RBM20: variants seen among roughly 807,000 people sequenced by gnomAD.
RBM20 encodes the protein RNA binding motif protein 20.
In RBM20, 51 loss-of-function variants were observed where a neutral mutation model predicts 110.1. The ratio of observed to expected loss-of-function variants is 0.46; its 90% CI spans 0.37 to 0.59. RBM20 has a LOEUF of 0.59. RBM20 is among the 20% of genes least tolerant of loss of function. The pLI is 0.00. For missense variants in RBM20, 1,512 were observed against 1,574.9 expected, an observed-to-expected ratio of 0.96 and a Z score of 0.68; for synonymous variants, 589 against 618.2, an observed-to-expected ratio of 0.95 and a Z score of 0.70.
chr10:110,831,829 A>AT (rs1168128318), intron 13 of RBM20, among the ~76,000 whole-genome samples: 1 of 152,116 alleles, frequency 6.6e-6, no homozygotes, highest in Non-Finnish European at 1.5e-5. Context: ...GTTCTCATGG[A>AT]TTTTTCATTC....
At chr10:110,795,533 G>A (rs1844538921) in intron 5 of RBM20, among the ~76,000 whole-genome samples, 1 of 152,176 alleles carries the variant, frequency 6.6e-6, no homozygotes, top group Non-Finnish European at 1.5e-5. Context: ...AGACAAATGA[G>A]GGCTTTTCAT....
intron 9 of RBM20, among the ~76,000 whole-genome samples, chr10:110,815,658 T>TCCTG (rs1374428982): frequency 6.6e-6 from 1 of 152,210 alleles, no homozygotes; most frequent in African/African-American, 2.4e-5. Context: ...GCACTTCTAC[T>TCCTG]CACACTCCTG....
rs149640975 is a variant in RBM20, at chr10:110,683,374, G to A, written c.191+38729G>A. Among the ~76,000 whole-genome samples the A allele has an allele frequency of 5.8e-4, 89 of 152,302 alleles. 1 individual carries two copies. The highest frequency in any genetic ancestry group is 1.9e-3 in the African/African-American group (81 of 41,558). ...TGGTTGAGTTGCAGTAAGAGTGTCC[G>A]CATTAGAGCGATTGGAGCTGGTAAT... On this transcript the variant is annotated intron_variant, in intron 1 of 13. Transcript: ENST00000369519.
chr10:110,823,450 T>TGTCTTGG, intron 11 of RBM20, 30 bp from the exon 12 acceptor site: 1 of 1,234,372 alleles, frequency 8.1e-7, no homozygotes, highest in Non-Finnish European at 1.0e-6. Context: ...TTTTTTTTTT[T>TGTCTTGG]TTTTTTTTGC....
intron 1 of RBM20, among the ~76,000 whole-genome samples, chr10:110,778,495 G>A (rs555554574): frequency 1.3e-5 from 2 of 152,250 alleles, no homozygotes; most frequent in South Asian, 4.1e-4. Flanking sequence ...TCTCGTTTTT[G>A]TTCCATTATC....
intron 1 of RBM20, among the ~76,000 whole-genome samples, chr10:110,707,793 A>C (rs1435229170): frequency 6.6e-6 from 1 of 152,230 alleles, no homozygotes; most frequent in Admixed American, 6.5e-5. Flanking sequence ...TAATGGGTAC[A>C]AAATATAGTA....
At chr10:110,759,478 C>T (rs1843967368) in intron 1 of RBM20, among the ~76,000 whole-genome samples, 1 of 152,162 alleles carries the variant, frequency 6.6e-6, no homozygotes, top group Non-Finnish European at 1.5e-5. Context: ...AAAGAAAAGG[C>T]CCCAGGAATG....
intron 1 of RBM20, among the ~76,000 whole-genome samples, chr10:110,676,779 G>A (rs1450612075): frequency 9.5e-6 from 1 of 104,894 alleles, no homozygotes; most frequent in Non-Finnish European, 2.3e-5. Context: ...TTCTTTGGAA[G>A]CAACAAATGC....
chr10:110,647,900 A>C (rs1861891609), intron 1 of RBM20, among the ~76,000 whole-genome samples: 2 of 152,202 alleles, frequency 1.3e-5, no homozygotes, highest in Non-Finnish European at 2.9e-5. Context: ...GAAATGTTGA[A>C]GTTAGCTGTC....
chr10:110,800,265 C>T (rs1237621536), intron 7 of RBM20, among the ~76,000 whole-genome samples: 1 of 152,098 alleles, frequency 6.6e-6, no homozygotes, highest in Non-Finnish European at 1.5e-5. Flanking sequence ...CCTATACAGA[C>T]CTTCAGTAAC....
chr10:110,705,710 G>GAGATTAAT (rs1862827166), intron 1 of RBM20, among the ~76,000 whole-genome samples: 1 of 152,206 alleles, frequency 6.6e-6, no homozygotes, highest in Admixed American at 6.5e-5. Flanking sequence ...AACAGTGGTT[G>GAGATTAAT]CAATAATTGT....
intron 1 of RBM20, among the ~76,000 whole-genome samples, chr10:110,716,689 A>T (rs1196197109): frequency 6.6e-6 from 1 of 152,106 alleles, no homozygotes; most frequent in South Asian, 2.1e-4. Context: ...CGAGGTGGGC[A>T]GATCCTGAGG....
chr10:110,835,554 C>G (rs1845115119), intron 13 of RBM20: 1 of 171,738 alleles, frequency 5.8e-6, no homozygotes, highest in African/African-American at 2.4e-5. Flanking sequence ...TCAGGCTGGT[C>G]TCAACTCCCG....
At chr10:110,675,053 A>G (rs769043573) in intron 1 of RBM20, among the ~76,000 whole-genome samples, 3 of 151,594 alleles carry the variant, frequency 2.0e-5, no homozygotes, top group Non-Finnish European at 4.4e-5. Context: ...TGATGCTCTA[A>G]ATGCTGACTC....
chr10:110,652,207 A>G (rs1223111939), intron 1 of RBM20, among the ~76,000 whole-genome samples: 2 of 152,224 alleles, frequency 1.3e-5, no homozygotes, highest in African/African-American at 4.8e-5. Flanking sequence ...AACTAAAAAA[A>G]TTACAAACAG....
chr10:110,692,243 A>G (rs1862595623), intron 1 of RBM20, among the ~76,000 whole-genome samples: 1 of 152,116 alleles, frequency 6.6e-6, no homozygotes, highest in East Asian at 1.9e-4. Flanking sequence ...TTCTTTGGCT[A>G]TTTGGGATTT....
chr10:110,804,627 T>C (rs999476954), intron 7 of RBM20, among the ~76,000 whole-genome samples: 1 of 152,222 alleles, frequency 6.6e-6, no homozygotes, highest in African/African-American at 2.4e-5. Context: ...ACATGATAGA[T>C]GTTTAATAAA....
At chr10:110,682,533 G>A (rs766255896) in intron 1 of RBM20, among the ~76,000 whole-genome samples, 1 of 152,078 alleles carries the variant, frequency 6.6e-6, no homozygotes, top group Non-Finnish European at 1.5e-5. Context: ...TATGGAAACG[G>A]GCAAAGGTTC....
At chr10:110,665,679 TATG>T (rs1422552689) in intron 1 of RBM20, among the ~76,000 whole-genome samples, 1 of 151,430 alleles carries the variant, frequency 6.6e-6, no homozygotes, top group African/African-American at 2.5e-5. Context: ...CTATGATATA[TATG>T]ATAACTAAGA....
Sources: allele counts gnomAD v4.1 joint callset (sites outside exome capture counted in the v4.1 genomes callset), GRCh38; gene constraint gnomAD v4.1.1; transcripts MANE v1.5; gene names NCBI Gene and HGNC (gene_info 2026-07-23, HGNC 2026-07-21).